SPG11: variants seen among roughly 807,000 people sequenced by gnomAD.
SPG11 encodes the protein spatacsin.
SPG11 carries 222 observed loss-of-function variants against 274.0 expected under a neutral mutation model. The observed-to-expected ratio is 0.81, with a 90% CI of 0.73 to 0.91. SPG11 has a LOEUF of 0.91. Among genes scored for constraint, SPG11 ranks in the 40% least tolerant of loss-of-function variants. The pLI is 0.00. For synonymous variants in SPG11, 1,144 were observed against 1,039.7 expected (o/e 1.10, Z -1.93); for missense variants, 3,114 against 2,872.7 (o/e 1.08, Z -1.92).
intron 18 of SPG11, 140 bp from the exon 19 acceptor site, chr15:44,608,745 T>TA: frequency 1.3e-6 from 1 of 758,298 alleles, no homozygotes; most frequent in Non-Finnish European, 2.1e-6. Flanking sequence ...CAAGTAGTCA[T>TA]AAGTTAACAG....
rs2082406962 is a variant in SPG11, at chr15:44,570,769, A to G, written c.6344-111T>C. On this transcript the variant is annotated intron_variant, in intron 33 of 39. Coordinates refer to ENST00000261866, the MANE Select transcript of SPG11 (RefSeq NM_025137.4). ...TGGTGGAGAAGGGGCCTGTCTGGAG[A>G]GGGCCGTCCCATCAGCCCTCCGAAG... The G allele has an allele frequency of 1.5e-5, 22 of 1,424,536 alleles. No individual in the cohort carries two copies. In the Admixed American group the frequency reaches 1.8e-4, roughly 12 times the overall value. 88.2% of individuals were successfully genotyped at this position (1,424,536 alleles called of 1,614,324 possible).
chr15:44,566,397 A>G, intron 36 of SPG11, 92 bp from the exon 37 acceptor site: 1 of 1,278,764 alleles, frequency 7.8e-7, no homozygotes, highest in Non-Finnish European at 1.1e-6. Context: ...GAATAGAAAC[A>G]TCCCAGCCAT....
At position 44,620,401 on chromosome 15, in the gene SPG11, A is replaced by G. The variant is rs749377433; in HGVS notation, c.2623T>C (p.Tyr875His). Residue 875 changes from tyrosine to histidine, a missense_variant and splice_region_variant, in exon 15 of 40, where the codon TAC (tyrosine) becomes CAC (histidine). Tyr to His is a moderately conservative substitution (Grantham distance 83). Transcript: ENST00000261866. ...AGGGCTTCAGGGGAATATGATTTGT[A>G]TTCTACATGAAAAAAAACACATTTT... ...ILLPRISPEE[Y>H]KSYSPEALWR... is the part of the protein sequence containing the mutation. 1 of 1,607,718 alleles carries G rather than the reference A, an allele frequency of 6.2e-7. No homozygotes were observed. Among genetic ancestry groups the G allele is most frequent in the Admixed American group, 1.7e-5 (1 of 59,752 alleles).
At chr15:44,567,130 T>C (rs989231210) in intron 36 of SPG11, among the ~76,000 whole-genome samples, 1 of 151,910 alleles carries the variant, frequency 6.6e-6, no homozygotes, top group African/African-American at 2.4e-5. Flanking sequence ...CGTGGGCAGT[T>C]CACCAGGTCA....
Position 44,566,303 on chromosome 15 carries a change from C to G in SPG11, c.6757G>C (p.Asp2253His), listed in dbSNP as rs764379845. 1.9e-6 allele frequency: 3 copies of G among 1,613,946 alleles called. No homozygotes were observed. Among genetic ancestry groups the G allele is most frequent in the Non-Finnish European group, 2.5e-6 (3 of 1,179,962 alleles). ...AGCTGGTGCCCATCCTTGAGGCTGT[C>G]CTCTGTAGGGGAAATAAAGAAGATT... ...LKLIESQPWEDSLKDGHQLKQ... is the reference protein window; with the variant it reads ...LKLIESQPWEHSLKDGHQLKQ... Residue 2253 changes from aspartate (D) to histidine (H), a missense_variant and splice_region_variant, in exon 37 of 40, where the codon GAC (aspartate) becomes CAC (histidine). Coordinates refer to ENST00000261866, the MANE Select transcript of SPG11 (RefSeq NM_025137.4).
At position 44,563,307 on chromosome 15, in the gene SPG11, TAAAG is replaced by T; in HGVS notation, c.7152-10_7152-7del. 2.5e-6 allele frequency: 4 copies of T among 1,609,420 alleles called. No homozygotes were observed. The highest frequency in any genetic ancestry group is 1.8e-4 in the Middle Eastern group (1 of 5,710). ...TAGGCTGATGTTGTTTATATCTAGATAAAGAAACATAATGTACAGGTTAAGATAC... is the reference window on the plus strand; with the variant it reads ...TAGGCTGATGTTGTTTATATCTAGATAAACATAATGTACAGGTTAAGATAC... On this transcript the variant is annotated splice_region_variant and splice_polypyrimidine_tract_variant and intron_variant, in intron 39 of 39. Transcript: ENST00000261866.
At chr15:44,631,113 G>A (rs2084048756) in intron 8 of SPG11, among the ~76,000 whole-genome samples, 1 of 152,038 alleles carries the variant, frequency 6.6e-6, no homozygotes, top group South Asian at 2.1e-4. Context: ...GGAAATTCCA[G>A]GTCTAGAATT....
At chr15:44,569,320 G>C in intron 35 of SPG11, 78 bp downstream of exon 35, 5 of 1,068,866 alleles carry the variant, frequency 4.7e-6, no homozygotes, top group Non-Finnish European at 7.1e-6. Flanking sequence ...CCCTGACTGA[G>C]ATTATTCCTG....
rs769575266 is a variant in SPG11 at position 44,596,217 on chromosome 15, T to C, written c.4300A>G (p.Ser1434Gly). 2.5e-6 allele frequency: 4 copies of C among 1,614,068 alleles called. No homozygotes were observed. Among genetic ancestry groups the C allele is most frequent in the South Asian group, 2.2e-5 (2 of 91,086 alleles). The part of the protein sequence containing the change: ...CNKCPQELQG[S>G]KQEMTDLFEI... The stretch of plus-strand genomic sequence containing the variant: ...AATAAATCGGTCATCTCTTGTTTGC[T>C]TCCTTGAAGTTCCTGGGGGCACTTA... The change falls in exon 25 of 40, where the codon AGC (serine) becomes GGC (glycine). Residue 1434 changes from serine (S) to glycine (G), a missense_variant. Coordinates refer to ENST00000261866, the MANE Select transcript of SPG11 (RefSeq NM_025137.4).
rs1476126630 is a variant in SPG11 at position 44,636,935 on chromosome 15, AAAAAAAAAAAAAAAAAAAAAAAC to A, written c.1603-3321_1603-3299del. Among the ~76,000 whole-genome samples, 293 of 119,286 alleles carry A rather than the reference AAAAAAAAAAAAAAAAAAAAAAAC, an allele frequency of 2.5e-3. 2 individuals carry two copies. Among genetic ancestry groups the A allele is most frequent in the East Asian group, 0.01 (36 of 3,472 alleles). The allele number at this position is 119,286 out of a possible 152,430, so 78.3% of individuals were successfully genotyped here. ...AGCAAGACTCCATCTCAAAAAAAAA[AAAAAAAAAAAAAAAAAAAAAAAC>A]AAAAAAAAAACACAAATGTGGTAAA... is the stretch of plus-strand genomic sequence containing the variant. On this transcript the variant is annotated intron_variant, in intron 7 of 39. Transcript: ENST00000261866.
At chr15:44,653,370 A>C (rs1463882463) in intron 4 of SPG11, among the ~76,000 whole-genome samples, 1 of 152,194 alleles carries the variant, frequency 6.6e-6, no homozygotes, top group Non-Finnish European at 1.5e-5. Context: ...CAGGATGATG[A>C]TGAAAAGAAG....
intron 3 of SPG11, among the ~76,000 whole-genome samples, chr15:44,658,470 T>A (rs1052061013): frequency 6.6e-5 from 10 of 152,000 alleles, no homozygotes; most frequent in Non-Finnish European, 1.5e-4. Flanking sequence ...GCTTTTTTTT[T>A]TTTTTTAAGA....
rs2085030823 is a variant in SPG11, at chr15:44,659,193, T to C, written c.553A>G (p.Ile185Val). 3.7e-6 allele frequency: 6 copies of C among 1,614,212 alleles called. No individual in the cohort carries two copies. The highest frequency in any genetic ancestry group is 3.4e-6 in the Non-Finnish European group (4 of 1,180,010). Residue 185 changes from isoleucine (I) to valine (V), a missense_variant, in exon 3 of 40, where the codon ATT becomes GTT. Physicochemically the swap from Ile to Val is conservative, Grantham distance 29. Coordinates refer to ENST00000261866, the MANE Select transcript of SPG11 (RefSeq NM_025137.4). ...AGTGTGAAACAGTTGAGTACTCTAA[T>C]TGCAGCATCTCTTTCAGGAAATATA... Reference protein sequence around the residue: ...HIIFPERDAAIRVLNCFTLPL... With the variant: ...HIIFPERDAAVRVLNCFTLPL...
At chr15:44,582,526 C>A (rs1045633817) in intron 30 of SPG11, among the ~76,000 whole-genome samples, 2 of 152,034 alleles carry the variant, frequency 1.3e-5, no homozygotes, top group Non-Finnish European at 2.9e-5. Flanking sequence ...CTGGCCTGGG[C>A]GACAGAGGGA....
intron 30 of SPG11, among the ~76,000 whole-genome samples, chr15:44,577,417 T>C (rs2082561262): frequency 6.7e-6 from 1 of 148,744 alleles, no homozygotes; most frequent in Non-Finnish European, 1.5e-5. Context: ...GCAGGAGGAC[T>C]GCTTGAGCCC....
intron 24 of SPG11, among the ~76,000 whole-genome samples, chr15:44,596,561 C>CA (rs1046763575): frequency 1.4e-5 from 2 of 146,216 alleles, no homozygotes; most frequent in African/African-American, 5.0e-5. Context: ...TTCAGCTCTT[C>CA]AGTACTAGTG....
At chr15:44,597,175 G>A (rs1380286129) in intron 23 of SPG11, 13 of 404,814 alleles carry the variant, frequency 3.2e-5, no homozygotes, top group Non-Finnish European at 5.4e-5. Context: ...GTACAATGGT[G>A]CGATCTCAGC....
intron 30 of SPG11, among the ~76,000 whole-genome samples, chr15:44,580,204 T>TTA (rs1366813547): frequency 1.3e-5 from 2 of 152,238 alleles, no homozygotes; most frequent in African/African-American, 4.8e-5. Context: ...TACCATTGTG[T>TTA]TATAATCAAC....
intron 10 of SPG11, among the ~76,000 whole-genome samples, chr15:44,628,340 T>C (rs1451785792): frequency 6.6e-6 from 1 of 152,236 alleles, no homozygotes; most frequent in East Asian, 1.9e-4. Flanking sequence ...GCAGAATGCA[T>C]GTGTCCAAAG....
Sources: allele counts gnomAD v4.1 joint callset (sites outside exome capture counted in the v4.1 genomes callset), GRCh38; gene constraint gnomAD v4.1.1; transcripts MANE v1.5; gene names NCBI Gene and HGNC (gene_info 2026-07-23, HGNC 2026-07-21).